The following PCDHGA6 variants were observed in gnomAD, a reference collection of about 807,000 sequenced individuals.
PCDHGA6 encodes the protein protocadherin gamma-A6.
Under a neutral mutation model 60.6 loss-of-function variants are expected in PCDHGA6, and 41 were observed. The ratio of observed to expected loss-of-function variants is 0.68; its 90% confidence interval spans 0.53 to 0.88. The LOEUF is 0.88. PCDHGA6 is among the 40% of genes least tolerant of loss of function. The pLI is 0.00. For synonymous variants in PCDHGA6, 594 were observed against 524.4 expected (o/e 1.13, Z -1.81); for missense variants, 1,312 against 1,203.0 (o/e 1.09, Z -1.34).
chr5:141,395,542 T>TTGTTTGTTTGTG (rs1267535064), intron 1 of PCDHGA6: 1 of 168,708 alleles, frequency 5.9e-6, no homozygotes, highest in African/African-American at 5.7e-5. Flanking sequence ...TTGCTATTGT[T>TTGTTTGTTTGTG]TGTGTGTGTG....
rs376721940 is a variant in PCDHGA6, at chr5:141,410,147, G to A, written c.2424+33640G>A. 18 of 1,612,952 alleles carry A rather than the reference G, an allele frequency of 1.1e-5. No homozygotes were observed. The East Asian group carries it at 3.6e-4, about 32-fold the overall frequency. ...GCGCCTGCTGGTCGCTGTGCGTGAC[G>A]GTGGACAGCCGCCACTCTCTGCCAC... On this transcript the variant is annotated intron_variant, in intron 1 of 3. Transcript: ENST00000517434.
At chr5:141,398,827 G>A in intron 1 of PCDHGA6, 1 of 1,613,982 alleles carries the variant, frequency 6.2e-7, no homozygotes, top group East Asian at 2.2e-5. Flanking sequence ...CCAGGTAACC[G>A]ACGCCAATGA....
chr5:141,456,975 A>T (rs1240583336), intron 1 of PCDHGA6, among the ~76,000 whole-genome samples: 1 of 152,178 alleles, frequency 6.6e-6, no homozygotes, highest in East Asian at 1.9e-4. Flanking sequence ...AACAAAACAA[A>T]CAAACAAACA....
chr5:141,394,073 C>T (rs762892708), intron 1 of PCDHGA6: 14 of 1,613,718 alleles, frequency 8.7e-6, no homozygotes, highest in Non-Finnish European at 1.1e-5. Flanking sequence ...TCTACAATAT[C>T]ACAGTGATGG....
chr5:141,400,448 A>G (rs750585724), intron 1 of PCDHGA6: 1 of 1,614,078 alleles, frequency 6.2e-7, no homozygotes, highest in Non-Finnish European at 8.5e-7. Flanking sequence ...TCAGGACAAG[A>G]CATACTTTGT....
intron 1 of PCDHGA6, chr5:141,414,488 C>T (rs755499269): frequency 2.5e-6 from 4 of 1,613,914 alleles, no homozygotes; most frequent in African/African-American, 2.7e-5. Flanking sequence ...CCTCTATCAA[C>T]GGAAGCTCAC....
chr5:141,392,268 A>G (rs2150475407), intron 1 of PCDHGA6: 1 of 152,374 alleles, frequency 6.6e-6, no homozygotes, highest in South Asian at 2.1e-4. Context: ...GACATTTACA[A>G]TAAAGCTTAG....
intron 1 of PCDHGA6, chr5:141,427,831 G>A (rs2097077070): frequency 6.5e-7 from 1 of 1,539,366 alleles, no homozygotes; most frequent in East Asian, 2.2e-5. Context: ...GTCGCGCAGC[G>A]TGCCTTCGAC....
intron 1 of PCDHGA6, chr5:141,427,630 T>C (rs1043983899): frequency 2.8e-6 from 2 of 702,530 alleles, no homozygotes; most frequent in African/African-American, 1.7e-5. Context: ...AATGCTCCGG[T>C]TTTCCACCAA....
chr5:141,471,843 T>C (rs1471729261), intron 1 of PCDHGA6, among the ~76,000 whole-genome samples: 2 of 152,166 alleles, frequency 1.3e-5, no homozygotes, highest in Admixed American at 6.5e-5. Context: ...TTTAATAAAA[T>C]ATTCAGAAAA....
chr5:141,491,571 C>G lies in PCDHGA6; in HGVS notation c.2425-3236C>G. The G allele has an allele frequency of 6.2e-7, 1 of 1,614,026 alleles. No individual in the cohort carries two copies. The highest frequency in any genetic ancestry group is 8.5e-7 in the Non-Finnish European group (1 of 1,180,042). ...CGCAGAGCCACTGCTACAGGACGTG[C>G]TTTTCACCGGCCTCGGACGGCAGTG... On this transcript the variant is annotated intron_variant, in intron 1 of 3. Transcript: ENST00000517434. This position sits in a 1 kb window ranked among gnomAD's most constrained non-coding sequence, Gnocchi z 6.9.
Position 141,491,622 on chromosome 5 carries a change from C to T in PCDHGA6, c.2425-3185C>T, listed in dbSNP as rs980546113. 15 of 1,613,786 alleles carry T rather than the reference C, an allele frequency of 9.3e-6. No individual in the cohort carries two copies. Among genetic ancestry groups the T allele is most frequent in the Non-Finnish European group, 1.3e-5 (15 of 1,180,002 alleles). Reference sequence around the variant, plus strand: ...ACTTCACTTTTCTAAGACCCCTCAGCGTTCAGCAGCCCACAGCTCTGGCGC... The same window carrying T: ...ACTTCACTTTTCTAAGACCCCTCAGTGTTCAGCAGCCCACAGCTCTGGCGC... On this transcript the variant is annotated intron_variant, in intron 1 of 3. Transcript: ENST00000517434. This position sits in a 1 kb window ranked among gnomAD's most constrained non-coding sequence, Gnocchi z 6.9.
At chr5:141,409,201 A>G (rs2095240333) in intron 1 of PCDHGA6, 1 of 1,614,044 alleles carries the variant, frequency 6.2e-7, no homozygotes, top group Non-Finnish European at 8.5e-7. Flanking sequence ...AGTGTAAAGT[A>G]ATCATAGAAA....
Position 141,432,732 on chromosome 5 carries a change from T to G in PCDHGA6, c.2424+56225T>G, listed in dbSNP as rs1300743675. 2.5e-6 allele frequency: 4 copies of G among 1,613,940 alleles called. No individual in the cohort carries two copies. Among genetic ancestry groups the G allele is most frequent in the Non-Finnish European group, 3.4e-6 (4 of 1,179,992 alleles). On this transcript the variant is annotated intron_variant, in intron 1 of 3. Coordinates refer to ENST00000517434, the MANE Select transcript of PCDHGA6 (RefSeq NM_018919.3). This position sits in a 1 kb window ranked among gnomAD's most constrained non-coding sequence, Gnocchi z 6.0. ...GGCCAGCCCCCTCTCTCCGCCACTG[T>G]CACGCTCACCGTGGCCGTGGCCGAC...
chr5:141,446,188 T>G (rs566309564), intron 1 of PCDHGA6, among the ~76,000 whole-genome samples: 28 of 152,326 alleles, frequency 1.8e-4, no homozygotes, highest in African/African-American at 6.3e-4. Context: ...TTTTGTTTAT[T>G]ATTATATTCC....
chr5:141,494,764 T>A (rs773955144), intron 1 of PCDHGA6, 43 bp from the exon 2 acceptor site: 1 of 1,613,932 alleles, frequency 6.2e-7, no homozygotes, highest in Non-Finnish European at 8.5e-7. Context: ...ACATTCTAAC[T>A]TCTCACGGGT....
rs2095330785 is a variant in PCDHGA6 at position 141,409,884 on chromosome 5, G to C, written c.2424+33377G>C. The C allele has an allele frequency of 1.9e-6, 3 of 1,612,952 alleles. No individual in the cohort carries two copies. In the South Asian group the frequency reaches 3.3e-5, roughly 18 times the overall value. On this transcript the variant is annotated intron_variant, in intron 1 of 3. Transcript: ENST00000517434. ...GGAGACCGCAATGACAACGCACCGC[G>C]GGTGCTGTACCCAGCTCTGGGTCCT...
chr5:141,405,994 C>T (rs2094743060), intron 1 of PCDHGA6, among the ~76,000 whole-genome samples: 1 of 151,930 alleles, frequency 6.6e-6, no homozygotes, highest in African/African-American at 2.4e-5. Context: ...GGGTAGCTCT[C>T]AGCCTGCATT....
chr5:141,395,548 G>T (rs869036595), intron 1 of PCDHGA6: 6 of 21,284 alleles, frequency 2.8e-4, no homozygotes, highest in African/African-American at 1.1e-3. Context: ...TTGTTTGTGT[G>T]TGTGTGTGTG....
Sources: gnomAD v4.1 joint callset for allele counts (sites outside exome capture counted in the v4.1 genomes callset) on GRCh38, gnomAD v4.1.1 for gene constraint, Gnocchi (gnomAD v3.1) non-coding constraint, MANE v1.5 for transcripts, NCBI Gene and HGNC (gene_info 2026-07-23, HGNC 2026-07-21) for gene names.